ALDH1L1: variants seen among roughly 807,000 people sequenced by gnomAD.
The protein encoded by ALDH1L1 is aldehyde dehydrogenase 1 family member L1, also known as cytosolic 10-formyltetrahydrofolate dehydrogenase.
ALDH1L1 carries 68 observed loss-of-function variants against 101.1 expected under a neutral mutation model. The ratio of observed to expected loss-of-function variants is 0.67; its 90% CI spans 0.55 to 0.82. ALDH1L1 has a LOEUF of 0.82. Ranked by LOEUF, ALDH1L1 falls within the 40% of genes least tolerant of loss-of-function variation. ALDH1L1 has a pLI of 0.00. For missense variants in ALDH1L1, 1,087 were observed against 1,172.7 expected, an observed-to-expected ratio of 0.93 and a Z score of 1.07; for synonymous variants, 486 against 470.8, an observed-to-expected ratio of 1.03 and a Z score of -0.42.
intron 13 of ALDH1L1, 112 bp from the exon 14 acceptor site, chr3:126,130,405 GGT>G: frequency 1.1e-6 from 1 of 904,156 alleles, no homozygotes; most frequent in Non-Finnish European, 1.5e-6. Flanking sequence ...GACCAGCTTA[GGT>G]GTGACCTGAG....
chr3:126,145,983 C>T (rs1026366300), intron 9 of ALDH1L1, among the ~76,000 whole-genome samples: 1 of 152,216 alleles, frequency 6.6e-6, no homozygotes, highest in Admixed American at 6.5e-5. Context: ...TTCTTCTTGG[C>T]ATATTTTTTA....
intron 16 of ALDH1L1, among the ~76,000 whole-genome samples, chr3:126,122,742 A>G (rs1402204220): frequency 6.6e-6 from 1 of 152,254 alleles, no homozygotes; most frequent in East Asian, 1.9e-4. Flanking sequence ...TTAAGTTCGT[A>G]TAAATCTGAA....
At position 126,118,054 on chromosome 3, in the gene ALDH1L1, T is replaced by C. The variant is rs755946933; in HGVS notation, c.1933A>G (p.Lys645Glu). The C allele has an allele frequency of 6.2e-7, 1 of 1,612,010 alleles. No homozygotes were observed. Among genetic ancestry groups the C allele is most frequent in the South Asian group, 1.1e-5 (1 of 91,024 alleles). ...QRLSDHPDVR[K>E]IGFTGSTEVG... ...TCTGTGGAGCCTGTGAACCCGATTT[T>C]CCTCACATCAGGATGGTCTGAGAGT... The change falls in exon 17 of 23, where the codon AAA (lysine) becomes GAA (glutamate). Residue 645 changes from lysine to glutamate, a missense_variant. Coordinates refer to ENST00000393434, the MANE Select transcript of ALDH1L1 (RefSeq NM_012190.4).
At chr3:126,143,421 C>T (rs62265229) in intron 9 of ALDH1L1, among the ~76,000 whole-genome samples, 24,414 of 152,144 alleles carry the variant, frequency 0.16, 1,988 homozygotes, top group East Asian at 0.22. Context: ...TTTCATCATT[C>T]TATCAAATGG....
intron 15 of ALDH1L1, among the ~76,000 whole-genome samples, chr3:126,125,200 A>C (rs908846773): frequency 6.6e-6 from 1 of 152,062 alleles, no homozygotes; most frequent in Non-Finnish European, 1.5e-5. Flanking sequence ...CACGAATCCC[A>C]CCGCTCACCC....
intron 10 of ALDH1L1, 95 bp downstream of exon 10, chr3:126,137,718 T>C: frequency 6.7e-7 from 1 of 1,494,382 alleles, no homozygotes; most frequent in South Asian, 1.3e-5. Context: ...CCTGGCTTTC[T>C]GAATGTCCAG....
rs768335580 is a variant in ALDH1L1, at chr3:126,109,944, C to G, written c.2347G>C (p.Gly783Arg). The G allele has an allele frequency of 1.9e-6, 3 of 1,613,772 alleles. No homozygotes were observed. In the South Asian group the frequency reaches 3.3e-5, roughly 18 times the overall value. Residue 783 changes from glycine to arginine, a missense_variant and splice_region_variant, in exon 20 of 23, where the codon GGG becomes CGG. Physicochemically the swap from Gly to Arg is moderately radical, Grantham distance 125. Coordinates refer to ENST00000393434, the MANE Select transcript of ALDH1L1 (RefSeq NM_012190.4). ...GCGGACCTGACACACTCTGACTCAC[C>G]TGGCCGAGGGACCTGATTCCCGCCG... ...VCGGNQVPRP[G>R]FFFEPTVFTD...
intron 6 of ALDH1L1, among the ~76,000 whole-genome samples, chr3:126,154,224 G>T (rs2080861773): frequency 6.6e-6 from 1 of 152,198 alleles, no homozygotes; most frequent in Admixed American, 6.5e-5. Flanking sequence ...CCTGCCTGAG[G>T]CCAAGTCAGA....
At chr3:126,179,123 T>C (rs552824146) in intron 1 of ALDH1L1, among the ~76,000 whole-genome samples, 7 of 152,278 alleles carry the variant, frequency 4.6e-5, no homozygotes, top group East Asian at 1.9e-4. Flanking sequence ...GTGAAGCCCA[T>C]AGAGCCCCTT....
rs1282188543 is a variant in ALDH1L1 at position 126,115,667 on chromosome 3, C to T, written c.1983-1011G>A. Among the ~76,000 whole-genome samples the T allele has an allele frequency of 2.0e-5, 3 of 151,982 alleles. 1 individual carries two copies. The highest frequency in any genetic ancestry group is 1.9e-4 in the East Asian group (1 of 5,180). On this transcript the variant is annotated intron_variant, in intron 17 of 22. Coordinates refer to ENST00000393434, the MANE Select transcript of ALDH1L1 (RefSeq NM_012190.4). ...CTTGGCTCATGCAACCTCCACCTCCCGGGTTCAAGCGATTCTTCTACCTCA... is the reference window on the plus strand; with the variant it reads ...CTTGGCTCATGCAACCTCCACCTCCTGGGTTCAAGCGATTCTTCTACCTCA...
intron 14 of ALDH1L1, chr3:126,129,427 C>T (rs1432666461): frequency 6.6e-6 from 1 of 152,510 alleles, no homozygotes; most frequent in African/African-American, 2.4e-5. Flanking sequence ...GCCCTGCTCC[C>T]AGGTCACCCT....
At chr3:126,188,553 C>T (rs1310468160) in intron 1 of ALDH1L1, among the ~76,000 whole-genome samples, 3 of 152,126 alleles carry the variant, frequency 2.0e-5, no homozygotes, top group Non-Finnish European at 4.4e-5. Flanking sequence ...ATTTAACAAC[C>T]CCTTCCTTTT....
In ALDH1L1 at chr3:126,157,352, G is replaced by C. The variant is rs549336428; in HGVS notation, c.519C>G (p.Ile173Met). 2.9e-5 allele frequency: 46 copies of C among 1,611,628 alleles called. No homozygotes were observed. The South Asian group carries it at 4.8e-4, about 17-fold the overall frequency. ...LYNRFLFPEG[I>M]KGMVQAVRLI... is the part of the protein sequence containing the mutation. ...GGCTCCAGGTCCTCACCATCCCTTTGATGCCTTCAGGGAAGAGGAAGCGGT... is the reference window on the plus strand; with the variant it reads ...GGCTCCAGGTCCTCACCATCCCTTTCATGCCTTCAGGGAAGAGGAAGCGGT... Residue 173 changes from isoleucine (I) to methionine (M), a missense_variant, in exon 4 of 23, where the codon ATC (isoleucine) becomes ATG (methionine). Ile to Met is a conservative substitution (Grantham distance 10, BLOSUM62 1). Coordinates refer to ENST00000393434, the MANE Select transcript of ALDH1L1 (RefSeq NM_012190.4).
intron 11 of ALDH1L1, among the ~76,000 whole-genome samples, chr3:126,136,547 C>T (rs1022676635): frequency 6.6e-6 from 1 of 152,096 alleles, no homozygotes; most frequent in African/African-American, 2.4e-5. Context: ...AAGACCCTTC[C>T]GAGCCCTCCT....
At position 126,155,404 on chromosome 3, in the gene ALDH1L1, T is replaced by C. The variant is rs755811849; in HGVS notation, c.628A>G (p.Lys210Glu). 3 of 1,612,698 alleles carry C rather than the reference T, an allele frequency of 1.9e-6. No individual in the cohort carries two copies. The highest frequency in any genetic ancestry group is 1.7e-6 in the Non-Finnish European group (2 of 1,179,406). The stretch of plus-strand genomic sequence containing the variant: ...GTGTGGAGGGACCCAGCACTCACCT[T>C]GGCTGTCTCCTTCTTCTGAATCCCC... ...YEGIQKKETA[K>E]INWDQPAEAI... is the part of the protein sequence containing the mutation. Residue 210 changes from lysine to glutamate, a missense_variant and splice_region_variant, in exon 5 of 23, where the codon AAG (lysine) becomes GAG (glutamate). Around this residue, in one of 2 missense-constraint regions of ALDH1L1, gnomAD observed 645 missense variants for 637.0 expected, o/e 1.01. Transcript: ENST00000393434.
intron 9 of ALDH1L1, among the ~76,000 whole-genome samples, chr3:126,145,118 C>T (rs1446630630): frequency 1.3e-5 from 2 of 152,070 alleles, no homozygotes; most frequent in Non-Finnish European, 2.9e-5. Flanking sequence ...AAAATAAAAA[C>T]TACAATGAGA....
chr3:126,134,362 G>A (rs1001098385), intron 12 of ALDH1L1, among the ~76,000 whole-genome samples: 2 of 152,188 alleles, frequency 1.3e-5, no homozygotes, highest in Non-Finnish European at 2.9e-5. Context: ...GGGACCCCAC[G>A]CACGCTGTTG....
At chr3:126,185,208 G>T (rs963671573), upstream of ALDH1L1, among the ~76,000 whole-genome samples, 4 of 152,180 alleles carry the variant, frequency 2.6e-5, no homozygotes, top group African/African-American at 4.8e-5. Context: ...CTCCTGCCAG[G>T]TCCTCTCCAG....
intron 18 of ALDH1L1, 140 bp downstream of exon 18, chr3:126,114,417 C>T (rs2290053): frequency 0.46 from 270,236 of 581,716 alleles, 64,042 homozygotes; most frequent in Middle Eastern, 0.51. Flanking sequence ...CTGCCTGCCA[C>T]GCTATGCTTG....
Sources: gnomAD v4.1 joint callset for allele counts (sites outside exome capture counted in the v4.1 genomes callset) on GRCh38, gnomAD v4.1.1 for gene constraint, gnomAD v4.1.1 regional missense constraint, MANE v1.5 for transcripts, NCBI Gene and HGNC (gene_info 2026-07-23, HGNC 2026-07-21) for gene names.